Variants in TRPM3 observed in about 807,000 individuals in gnomAD.
TRPM3 encodes transient receptor potential cation channel subfamily M member 3.
TRPM3 carries 77 observed loss-of-function variants against 181.2 expected under a neutral mutation model. The observed-to-expected ratio is 0.42, with a 90% CI of 0.35 to 0.51. The LOEUF (loss-of-function observed/expected upper bound fraction) is 0.51, where lower values mean the gene tolerates loss of function less well. TRPM3 is among the 20% of genes least tolerant of loss of function. The probability of loss-of-function intolerance (pLI) is 0.01; values close to 1 mark genes in which losing one functional copy is unlikely to be tolerated. For synonymous variants in TRPM3, 745 were observed against 796.4 expected (o/e 0.94, Z 1.09); for missense variants, 1,759 against 2,196.7 (o/e 0.80, Z 3.98).
At chr9:71,416,830 T>C (rs912388455) in intron 1 of TRPM3, among the ~76,000 whole-genome samples, 5 of 151,964 alleles carry the variant, frequency 3.3e-5, no homozygotes, top group African/African-American at 1.2e-4. Context: ...TTTTACTTCT[T>C]CCCAATTTAA....
At chr9:71,067,224 AT>A (rs11142682) in intron 1 of TRPM3, among the ~76,000 whole-genome samples, 37,736 of 150,518 alleles carry the variant, frequency 0.25, 5,056 homozygotes, top group East Asian at 0.33. Context: ...TTTTCAAAGA[AT>A]TTTTTTTTTT....
At chr9:71,284,375 C>T (rs1347612848) in intron 1 of TRPM3, among the ~76,000 whole-genome samples, 1 of 152,178 alleles carries the variant, frequency 6.6e-6, no homozygotes, top group Non-Finnish European at 1.5e-5. Context: ...GATCAAGAAG[C>T]TCAATCTAAG....
chr9:70,645,510 A>G (rs1383515594), intron 9 of TRPM3, among the ~76,000 whole-genome samples: 1 of 152,242 alleles, frequency 6.6e-6, no homozygotes, highest in Non-Finnish European at 1.5e-5. Flanking sequence ...AGCCATATGC[A>G]GAAAACTGAA....
chr9:70,639,304 C>G (rs1231696926), intron 10 of TRPM3, 110 bp from the exon 11 acceptor site: 2 of 1,207,132 alleles, frequency 1.7e-6, no homozygotes. Flanking sequence ...TCTGGTAAAC[C>G]TTCAGCACAT....
intron 1 of TRPM3, among the ~76,000 whole-genome samples, chr9:71,262,731 G>C (rs144195153): frequency 3.3e-5 from 5 of 152,308 alleles, no homozygotes; most frequent in African/African-American, 1.2e-4. Flanking sequence ...ATCTGGACTG[G>C]ATAGCACTGT....
At chr9:70,647,239 A>T (rs955611246) in intron 9 of TRPM3, among the ~76,000 whole-genome samples, 9 of 151,362 alleles carry the variant, frequency 5.9e-5, no homozygotes, top group Admixed American at 5.3e-4. Context: ...ACAATGAAAA[A>T]AAAGAAAACT....
intron 5 of TRPM3, among the ~76,000 whole-genome samples, chr9:70,841,569 GGAAT>G (rs2094628074): frequency 7.4e-6 from 1 of 135,568 alleles, no homozygotes; most frequent in African/African-American, 2.8e-5. Flanking sequence ...GCAAAAATAT[GGAAT>G]CAAACTAAGT....
intron 1 of TRPM3, among the ~76,000 whole-genome samples, chr9:70,971,760 T>C (rs2097249983): frequency 6.6e-6 from 1 of 152,076 alleles, no homozygotes; most frequent in Non-Finnish European, 1.5e-5. Context: ...GGGAAGTAGA[T>C]TGTACTGGGG....
At chr9:70,621,421 G>C in intron 14 of TRPM3, 148 bp from the exon 15 acceptor site, 1 of 450,912 alleles carries the variant, frequency 2.2e-6, no homozygotes, top group Non-Finnish European at 3.9e-6. Flanking sequence ...TTGGAGTGTA[G>C]AGGCATGATC....
intron 1 of TRPM3, among the ~76,000 whole-genome samples, chr9:71,225,872 C>A (rs1588039045): frequency 6.6e-6 from 1 of 151,658 alleles, no homozygotes; most frequent in East Asian, 1.9e-4. Flanking sequence ...AGCCAGGCTG[C>A]TCTCAAACTC....
At chr9:70,786,311 C>CAAAAAAAAA (rs71367227) in intron 6 of TRPM3, among the ~76,000 whole-genome samples, 1,743 of 54,116 alleles carry the variant, frequency 0.032, 74 homozygotes, top group Middle Eastern at 0.054. Context: ...CTAAAAATAC[C>CAAAAAAAAA]AAAAAAAAAA....
In TRPM3 at chr9:70,595,479, C is replaced by CA. The variant is rs1324927771; in HGVS notation, c.3048+2939dup. ...AGACACTGCTAAATATCCTATGATACACAGGACAGCTTCCTAAAATAAGGA... is the reference window on the plus strand; with the variant it reads ...AGACACTGCTAAATATCCTATGATACAACAGGACAGCTTCCTAAAATAAGGA... On this transcript the variant is annotated intron_variant, in intron 21 of 25. Coordinates refer to ENST00000677713, the MANE Select transcript of TRPM3 (RefSeq NM_001366145.2). 2.6e-5 allele frequency among the ~76,000 whole-genome samples: 4 copies of CA among 152,298 alleles called. No individual in the cohort carries two copies. In the East Asian group the frequency reaches 7.7e-4, roughly 29 times the overall value.
chr9:70,788,849 G>A (rs765700909), intron 6 of TRPM3, among the ~76,000 whole-genome samples: 24 of 152,004 alleles, frequency 1.6e-4, no homozygotes, highest in Non-Finnish European at 3.4e-4. Context: ...TAGGGCTCAC[G>A]CTCCTATGCA....
chr9:70,982,576 G>A (rs1418870033), intron 1 of TRPM3, among the ~76,000 whole-genome samples: 5 of 152,214 alleles, frequency 3.3e-5, no homozygotes, highest in African/African-American at 4.8e-5. Context: ...TCCTGTCAAC[G>A]TTTAAATATG....
chr9:71,280,962 G>GT (rs923611032), intron 1 of TRPM3, among the ~76,000 whole-genome samples: 2 of 152,172 alleles, frequency 1.3e-5, no homozygotes, highest in Admixed American at 1.3e-4. Context: ...CTGTTCAGAT[G>GT]TTTTTTGTTG....
intron 1 of TRPM3, among the ~76,000 whole-genome samples, chr9:71,438,078 C>A (rs561223335): frequency 2.6e-5 from 4 of 152,114 alleles, no homozygotes; most frequent in Admixed American, 2.0e-4. Flanking sequence ...ATAGGAAATA[C>A]AATGGACAGA....
intron 1 of TRPM3, among the ~76,000 whole-genome samples, chr9:71,422,241 A>T (rs1480296535): frequency 6.6e-6 from 1 of 152,060 alleles, no homozygotes; most frequent in Admixed American, 6.6e-5. Context: ...TGAAGAAGGC[A>T]TGATTATTCT....
At chr9:71,084,290 T>A (rs1407347038) in intron 1 of TRPM3, among the ~76,000 whole-genome samples, 1 of 152,078 alleles carries the variant, frequency 6.6e-6, no homozygotes, top group Non-Finnish European at 1.5e-5. Context: ...TAAGAATCTG[T>A]AATTGCACAT....
At chr9:71,371,072 AAAAG>A (rs1021888273) in intron 1 of TRPM3, among the ~76,000 whole-genome samples, 3 of 151,926 alleles carry the variant, frequency 2.0e-5, no homozygotes, top group Non-Finnish European at 2.9e-5. Context: ...AGAAAAAAAA[AAAAG>A]ATTCATTTCA....
Sources: gnomAD v4.1 joint callset for allele counts (sites outside exome capture counted in the v4.1 genomes callset) on GRCh38, gnomAD v4.1.1 for gene constraint, MANE v1.5 for transcripts, NCBI Gene and HGNC (gene_info 2026-07-23, HGNC 2026-07-21) for gene names.